Variants in OTUD5 observed in about 807,000 individuals in gnomAD.
OTUD5 encodes the protein OTU domain-containing protein 5.
A neutral mutation model predicts 36.3 loss-of-function variants in OTUD5; 2 were observed. The observed-to-expected ratio is 0.06, with a 90% CI of 0.02 to 0.17. OTUD5 has a LOEUF of 0.17. Ranked by LOEUF, OTUD5 falls within the 10% of genes least tolerant of loss-of-function variation. OTUD5 has a pLI of 1.00. For synonymous variants in OTUD5, 234 were observed against 214.9 expected (o/e 1.09, Z -0.78); for missense variants, 233 against 512.3 (o/e 0.45, Z 5.26).
At chrX:48,947,204 C>T (rs1260402954) in intron 1 of OTUD5, among the ~76,000 whole-genome samples, 3 of 110,697 alleles carry the variant, frequency 2.7e-5, no homozygotes, top group Non-Finnish European at 5.7e-5. Context: ...CATGGTAAAA[C>T]CTTGTTTCTA....
intron 6 of OTUD5, among the ~76,000 whole-genome samples, chrX:48,925,454 C>T (rs1010355532): frequency 2.7e-5 from 3 of 110,888 alleles, no homozygotes; most frequent in Non-Finnish European, 3.8e-5. Flanking sequence ...ACTGATCTCC[C>T]AGTCAGGGTC....
At chrX:48,954,144 T>C (rs782102086) in intron 1 of OTUD5, among the ~76,000 whole-genome samples, 12 of 110,490 alleles carry the variant, frequency 1.1e-4, no homozygotes, top group Non-Finnish European at 1.5e-4. Flanking sequence ...TTTTTATTAG[T>C]AAAGATGAGG....
Position 48,923,305 on chromosome X carries a change from G to A in OTUD5, c.1580-10C>T, listed in dbSNP as rs1344498241. 1.7e-5 allele frequency: 20 copies of A among 1,184,410 alleles called. No homozygotes were observed. The highest frequency in any genetic ancestry group is 4.4e-5 in the Admixed American group (2 of 45,449). On this transcript the variant is annotated splice_polypyrimidine_tract_variant and intron_variant, in intron 8 of 8. Coordinates refer to ENST00000376488, the MANE Select transcript of OTUD5 (RefSeq NM_001136157.2). ...TCCCAGTCATTCAGACCTGCTGGGC[G>A]AGAGGAAGAGGAAAAGGATGATGGA...
At chrX:48,931,579 G>A (rs2063751682) in intron 5 of OTUD5, among the ~76,000 whole-genome samples, 1 of 109,833 alleles carries the variant, frequency 9.1e-6, no homozygotes, top group South Asian at 3.9e-4. Flanking sequence ...AGGAGTTTGA[G>A]ACCAGCGTGG....
chrX:48,946,397 G>A (rs782515289), intron 1 of OTUD5, among the ~76,000 whole-genome samples: 1 of 111,680 alleles, frequency 9.0e-6, no homozygotes, highest in African/African-American at 3.3e-5. Flanking sequence ...TCAGCACAGA[G>A]ATTATGCACA....
intron 1 of OTUD5, among the ~76,000 whole-genome samples, chrX:48,946,068 C>A (rs1327151847): frequency 3.6e-5 from 4 of 110,959 alleles, no homozygotes; most frequent in African/African-American, 1.3e-4. Context: ...GTATTAGAGA[C>A]CAGACATAGG....
intron 5 of OTUD5, among the ~76,000 whole-genome samples, chrX:48,929,723 AAAAT>A (rs1288652961): frequency 8.1e-5 from 9 of 110,431 alleles, no homozygotes; most frequent in East Asian, 5.7e-4. Flanking sequence ...CTCTGTCTCA[AAAAT>A]AAATAAATAA....
chrX:48,934,399 A>G lies in OTUD5; in HGVS notation c.1059+65T>C, dbSNP rs1295001510. ...TATTTTTGTGAGTTAGGGGCAAAAC[A>G]GACTCCAACAGAGGTTTCTGACCTC... On this transcript the variant is annotated intron_variant, in intron 5 of 8. Transcript: ENST00000376488. 3.9e-6 allele frequency: 4 copies of G among 1,025,452 alleles called. No individual in the cohort carries two copies. In the African/African-American group the frequency reaches 7.7e-5, roughly 20 times the overall value. 84.5% of individuals were successfully genotyped at this position (1,025,452 alleles called of 1,213,427 possible).
rs151229926 is a variant in OTUD5, at chrX:48,952,000, G to A, written c.594+4977C>T. On this transcript the variant is annotated intron_variant, in intron 1 of 8. Coordinates refer to ENST00000376488, the MANE Select transcript of OTUD5 (RefSeq NM_001136157.2). ...GAACCCGGAAGCCGGAGGTTGCAGCGACCTGAGATTGCGCCACTGCACTCC... is the reference window on the plus strand; with the variant it reads ...GAACCCGGAAGCCGGAGGTTGCAGCAACCTGAGATTGCGCCACTGCACTCC... 2.9e-3 allele frequency among the ~76,000 whole-genome samples: 316 copies of A among 110,231 alleles called. 8 individuals are homozygous for A. In the East Asian group the frequency reaches 0.08, roughly 28 times the overall value.
intron 5 of OTUD5, among the ~76,000 whole-genome samples, chrX:48,931,051 C>A (rs782571016): frequency 2.7e-4 from 30 of 111,589 alleles, no homozygotes; most frequent in Middle Eastern, 9.3e-3. Context: ...ACAGATCCTC[C>A]TTAAAGATTT....
intron 2 of OTUD5, among the ~76,000 whole-genome samples, chrX:48,938,292 C>A (rs1206761762): frequency 9.0e-6 from 1 of 111,528 alleles, no homozygotes; most frequent in East Asian, 2.8e-4. Flanking sequence ...CCAAGGAAAA[C>A]AGCAATAGTA....
At chrX:48,925,737 T>C (rs1557047580) in intron 6 of OTUD5, 110 bp downstream of exon 6, 1 of 592,121 alleles carries the variant, frequency 1.7e-6, no homozygotes, top group African/African-American at 2.2e-5. Flanking sequence ...GCTGGATGCT[T>C]CCTTCCCTCC....
rs782128497 is a variant in OTUD5, at chrX:48,943,778, A to C, written c.688+412T>G. 1.8e-4 allele frequency among the ~76,000 whole-genome samples: 20 copies of C among 110,314 alleles called. 1 individual carries two copies. The South Asian group carries it at 7.9e-3, about 43-fold the overall frequency. On this transcript the variant is annotated intron_variant, in intron 2 of 8. Coordinates refer to ENST00000376488, the MANE Select transcript of OTUD5 (RefSeq NM_001136157.2). Reference sequence around the variant, plus strand: ...TGGTTAAGAGCATGGGCCTCAGACTAATCTAACCCAGACACTGAATCCCAA... The same window carrying C: ...TGGTTAAGAGCATGGGCCTCAGACTCATCTAACCCAGACACTGAATCCCAA...
chrX:48,942,687 T>C (rs1049505200), intron 2 of OTUD5, among the ~76,000 whole-genome samples: 1 of 107,486 alleles, frequency 9.3e-6, no homozygotes, highest in Non-Finnish European at 1.9e-5. Flanking sequence ...CTTGGCAGAA[T>C]AGAGAGGAGA....
intron 1 of OTUD5, 54 bp from the exon 2 acceptor site, chrX:48,944,337 G>A: frequency 1.2e-6 from 1 of 826,534 alleles, no homozygotes; most frequent in Non-Finnish European, 1.8e-6. Flanking sequence ...TCCCTCCCCA[G>A]GGCCCCGACC....
upstream of OTUD5, chrX:48,958,364 A>ATAGCTGGCCCCTGTAGCG (rs2064295355): frequency 1.8e-5 from 2 of 112,403 alleles, no homozygotes; most frequent in African/African-American, 3.2e-5. Context: ...TCCCGGGAGC[A>ATAGCTGGCCCCTGTAGCG]TAGCTGGCCC....
chrX:48,923,150 T>G lies in OTUD5; in HGVS notation c.*24A>C. ...GAGCAGGAGTACTGGGGTTGGGAGA[T>G]GGTGTCCAATCCCTGGGTCTCCATC... is the stretch of plus-strand genomic sequence containing the variant. On this transcript the variant is annotated 3_prime_UTR_variant, in exon 9 of 9. Transcript: ENST00000376488. 8.3e-7 allele frequency: 1 copy of G among 1,209,735 alleles called. No homozygotes were observed. Among genetic ancestry groups the G allele is most frequent in the African/African-American group, 1.7e-5 (1 of 57,472 alleles).
intron 6 of OTUD5, among the ~76,000 whole-genome samples, chrX:48,925,623 A>G (rs1243836155): frequency 8.9e-6 from 1 of 112,838 alleles, no homozygotes; most frequent in African/African-American, 3.2e-5. Context: ...TGTCACCAGC[A>G]GCATGGCTGC....
rs1269683071 is a variant in OTUD5 at position 48,957,587 on chromosome X, A to AC, written c.-18dup. 218 of 817,089 alleles carry AC rather than the reference A, an allele frequency of 2.7e-4. No individual in the cohort carries two copies. The highest frequency in any genetic ancestry group is 3.1e-4 in the Non-Finnish European group (207 of 673,791). 67.3% of individuals were successfully genotyped at this position (817,089 alleles called of 1,213,427 possible). A position where few individuals can be genotyped will look rare whatever the true frequency, so the allele number is the denominator to read the frequency against. On this transcript the variant is annotated 5_prime_UTR_variant, in exon 1 of 9. Coordinates refer to ENST00000376488, the MANE Select transcript of OTUD5 (RefSeq NM_001136157.2). ...TATAGTCATGGCTGCACTGCCGAGT[A>AC]CCCCCCAACAAACCCGGCGCGGGGC...
Sources: allele counts gnomAD v4.1 joint callset (sites outside exome capture counted in the v4.1 genomes callset), GRCh38; gene constraint gnomAD v4.1.1; transcripts MANE v1.5; gene names NCBI Gene and HGNC (gene_info 2026-07-23, HGNC 2026-07-21).